The following CLYBL variants were observed in gnomAD, a reference collection of about 807,000 sequenced individuals.
The protein encoded by CLYBL is citramalyl-CoA lyase, mitochondrial.
Under a neutral mutation model 38.9 loss-of-function variants are expected in CLYBL, and 31 were observed. The ratio of observed to expected loss-of-function variants is 0.80; its 90% CI spans 0.60 to 1.08. CLYBL has a LOEUF of 1.08. Among genes scored for constraint, CLYBL ranks in the 50% least tolerant of loss-of-function variants. CLYBL has a pLI of 0.00. For missense variants in CLYBL, 434 were observed against 411.6 expected, an observed-to-expected ratio of 1.05 and a Z score of -0.47; for synonymous variants, 171 against 158.6, an observed-to-expected ratio of 1.08 and a Z score of -0.59.
intron 9 of CLYBL, among the ~76,000 whole-genome samples, chr13:99,907,769 G>A (rs1462714359): frequency 6.6e-6 from 1 of 152,138 alleles, no homozygotes; most frequent in Non-Finnish European, 1.5e-5. Context: ...TGAGGTGGGA[G>A]GATCAGTTTG....
At chr13:99,900,467 C>T (rs1042018231), downstream of CLYBL, among the ~76,000 whole-genome samples, 2 of 151,988 alleles carry the variant, frequency 1.3e-5, no homozygotes, top group African/African-American at 2.4e-5. Flanking sequence ...CATTTTGTCC[C>T]GTCCCCTGAT....
intron 1 of CLYBL, among the ~76,000 whole-genome samples, chr13:99,707,542 G>T (rs1408465076): frequency 6.6e-6 from 1 of 152,150 alleles, no homozygotes; most frequent in East Asian, 1.9e-4. Context: ...AAAGTGCTGG[G>T]ATTACAGGCT....
chr13:99,692,213 C>G (rs2047913501), intron 1 of CLYBL, among the ~76,000 whole-genome samples: 1 of 152,188 alleles, frequency 6.6e-6, no homozygotes, highest in Non-Finnish European at 1.5e-5. Context: ...ACACTGACCT[C>G]CCATTGCATT....
At chr13:99,629,678 A>G (rs145108053) in intron 1 of CLYBL, among the ~76,000 whole-genome samples, 202 of 152,228 alleles carry the variant, frequency 1.3e-3, no homozygotes, top group African/African-American at 4.4e-3. Context: ...TCTGTCCTTC[A>G]TCTCAAAGAC....
intron 2 of CLYBL, among the ~76,000 whole-genome samples, chr13:99,776,388 C>T (rs758749257): frequency 7.3e-5 from 11 of 150,538 alleles, no homozygotes; most frequent in South Asian, 2.1e-4. Flanking sequence ...CCCAGCTACT[C>T]GGGAATCTGA....
intron 2 of CLYBL, among the ~76,000 whole-genome samples, chr13:99,808,479 ATAATT>A (rs2050276082): frequency 7.2e-6 from 1 of 138,010 alleles, no homozygotes; most frequent in Non-Finnish European, 1.5e-5. Context: ...AGATAATACT[ATAATT>A]TATAGACTTA....
Position 99,785,762 on chromosome 13 carries a change from A to AT in CLYBL, c.249+12759dup, listed in dbSNP as rs202145845. Among the ~76,000 whole-genome samples, 264 of 151,862 alleles carry AT rather than the reference A, an allele frequency of 1.7e-3. 6 individuals carry two copies. The East Asian group carries it at 0.043, about 25-fold the overall frequency. ...AGGCGCCCAGCACCACACCTGGCTA[A>AT]TTTTTTTGTATTTTTAGTAGAGACA... is the stretch of plus-strand genomic sequence containing the variant. On this transcript the variant is annotated intron_variant, in intron 2 of 8. Coordinates refer to ENST00000339105, the MANE Select transcript of CLYBL (RefSeq NM_206808.5).
At chr13:99,612,754 A>G (rs192554795) in intron 1 of CLYBL, among the ~76,000 whole-genome samples, 12 of 152,204 alleles carry the variant, frequency 7.9e-5, no homozygotes, top group Non-Finnish European at 7.4e-5. Context: ...GCTCATGTCT[A>G]TAATCCCAGC....
Position 99,880,074 on chromosome 13 carries a change from T to C in CLYBL, c.927+9012T>C, listed in dbSNP as rs914665953. ...TGTATATATATATATATATATTTTTTTTTTTTTTTTTGAGACAGAGTCTTG... is the reference window on the plus strand; with the variant it reads ...TGTATATATATATATATATATTTTTCTTTTTTTTTTTGAGACAGAGTCTTG... On this transcript the variant is annotated intron_variant, in intron 7 of 8. Coordinates refer to ENST00000339105, the MANE Select transcript of CLYBL (RefSeq NM_206808.5). Among the ~76,000 whole-genome samples the C allele has an allele frequency of 6.0e-3, 602 of 100,038 alleles. 11 individuals are homozygous for C. Among genetic ancestry groups the C allele is most frequent in the East Asian group, 0.03 (105 of 3,542 alleles). 65.6% of individuals were successfully genotyped at this position (100,038 alleles called of 152,430 possible).
Position 99,704,427 on chromosome 13 carries a change from C to G in CLYBL, c.63-68397C>G, listed in dbSNP as rs371612537. 9.1e-4 allele frequency among the ~76,000 whole-genome samples: 138 copies of G among 152,234 alleles called. 1 individual carries two copies. The South Asian group carries it at 0.014, about 15-fold the overall frequency. Reference sequence around the variant, plus strand: ...GTCTAGTTCTGCATTATAAAATAGCCCAGTTGCCATAGGTTGATTTCCTGT... The same window carrying G: ...GTCTAGTTCTGCATTATAAAATAGCGCAGTTGCCATAGGTTGATTTCCTGT... On this transcript the variant is annotated intron_variant, in intron 1 of 8. Transcript: ENST00000339105.
At chr13:99,607,285 CTT>C (rs1166417643) in intron 1 of CLYBL, among the ~76,000 whole-genome samples, 1 of 144,964 alleles carries the variant, frequency 6.9e-6, no homozygotes, top group Non-Finnish European at 1.5e-5. Context: ...ACAAATAACA[CTT>C]TAATGCATAA....
chr13:99,867,224 G>T (rs2051770056), intron 6 of CLYBL, among the ~76,000 whole-genome samples: 1 of 152,178 alleles, frequency 6.6e-6, no homozygotes, highest in Non-Finnish European at 1.5e-5. Flanking sequence ...AAAGTTCTAA[G>T]AATATTAATA....
chr13:99,684,035 A>ATTT lies in CLYBL; in HGVS notation c.62+77294_62+77296dup, dbSNP rs778902077. 7.1e-3 allele frequency among the ~76,000 whole-genome samples: 613 copies of ATTT among 86,360 alleles called. 26 individuals carry two copies. Among genetic ancestry groups the ATTT allele is most frequent in the African/African-American group, 0.026 (574 of 22,372 alleles). 56.7% of individuals were successfully genotyped at this position (86,360 alleles called of 152,430 possible). The stretch of plus-strand genomic sequence containing the variant: ...AGGCGCATGCCACCATGCCTGGCTA[A>ATTT]TTTTTTTTTTTTTTTTTTGTATTTT... On this transcript the variant is annotated intron_variant, in intron 1 of 8. Transcript: ENST00000339105.
In CLYBL at chr13:99,606,716, G is replaced by A; in HGVS notation, c.21G>A (p.Arg7=). 2 of 1,494,506 alleles carry A rather than the reference G, an allele frequency of 1.3e-6. No homozygotes were observed. Among genetic ancestry groups the A allele is most frequent in the Non-Finnish European group, 1.8e-6 (2 of 1,128,570 alleles). The allele number at this position is 1,494,506 out of a possible 1,614,324, so 92.6% of individuals were successfully genotyped here. ...GGAAGATGGCGCTACGTCTGCTGCG[G>A]AGGGCGGCGCGCGGAGCTGCGGCGG... MALRLL[R]RAARGAAAAA... The change falls in exon 1 of 9, where the codon CGG becomes CGA. Residue 7 remains arginine, a synonymous_variant. Coordinates refer to ENST00000339105, the MANE Select transcript of CLYBL (RefSeq NM_206808.5).
intron 1 of CLYBL, among the ~76,000 whole-genome samples, chr13:99,747,476 C>G (rs954226644): frequency 2.0e-5 from 3 of 152,080 alleles, no homozygotes; most frequent in Admixed American, 6.5e-5. Context: ...AAGGAGCTAC[C>G]GGGTGCCCAT....
chr13:99,744,597 A>G (rs936492717), intron 1 of CLYBL, among the ~76,000 whole-genome samples: 2 of 152,200 alleles, frequency 1.3e-5, no homozygotes, highest in African/African-American at 4.8e-5. Flanking sequence ...CAAGTGGAGA[A>G]CGCCTAATCC....
At chr13:99,626,022 T>C (rs535569335) in intron 1 of CLYBL, among the ~76,000 whole-genome samples, 2 of 152,274 alleles carry the variant, frequency 1.3e-5, no homozygotes, top group Non-Finnish European at 2.9e-5. Flanking sequence ...CCACCAGTAT[T>C]GTGTCTTAGT....
chr13:99,666,380 G>A (rs1166804909), intron 1 of CLYBL, among the ~76,000 whole-genome samples: 5 of 152,162 alleles, frequency 3.3e-5, no homozygotes, highest in African/African-American at 2.4e-5. Context: ...GGGATGACTC[G>A]GTGGGTGTGC....
intron 1 of CLYBL, among the ~76,000 whole-genome samples, chr13:99,756,236 G>T (rs535769616): frequency 6.6e-6 from 1 of 152,294 alleles, no homozygotes; most frequent in Non-Finnish European, 1.5e-5. Context: ...TCAGTGGAAG[G>T]TTGTGTAATT....
Sources: allele counts gnomAD v4.1 joint callset (sites outside exome capture counted in the v4.1 genomes callset), GRCh38; gene constraint gnomAD v4.1.1; transcripts MANE v1.5; gene names NCBI Gene and HGNC (gene_info 2026-07-23, HGNC 2026-07-21).